The following REPS2 variants were observed in gnomAD, a reference collection of about 807,000 sequenced individuals.
REPS2 encodes the protein ralBP1-associated Eps domain-containing protein 2.
REPS2 carries 23 observed loss-of-function variants against 53.6 expected under a neutral mutation model. That is an observed-to-expected ratio of 0.43 (90% CI 0.31 to 0.61). The LOEUF is 0.61. Among genes scored for constraint, REPS2 ranks in the 20% least tolerant of loss-of-function variants. REPS2 has a pLI of 0.11. For synonymous variants in REPS2, 238 were observed against 218.6 expected (o/e 1.09, Z -0.78); for missense variants, 446 against 534.9 (o/e 0.83, Z 1.64).
chrX:17,068,262 C>T (rs933994961), intron 9 of REPS2, 140 bp from the exon 10 acceptor site: 4 of 349,192 alleles, frequency 1.1e-5, no homozygotes, highest in South Asian at 4.8e-5. Flanking sequence ...TGCAGTGAGC[C>T]GAGATCGCGC....
intron 13 of REPS2, among the ~76,000 whole-genome samples, chrX:17,095,553 C>T (rs952316881): frequency 2.8e-5 from 3 of 105,768 alleles, no homozygotes; most frequent in African/African-American, 1.0e-4. Context: ...GAGGATGGAA[C>T]ATAATCCTAT....
chrX:17,102,286 T>G (rs1456529373), intron 13 of REPS2, among the ~76,000 whole-genome samples: 2 of 111,330 alleles, frequency 1.8e-5, no homozygotes, highest in Admixed American at 9.6e-5. Flanking sequence ...TTATCCATGT[T>G]GCCTATGCCA....
chrX:16,962,327 A>C lies in REPS2; in HGVS notation c.273+15193A>C, dbSNP rs2060675454. 3.7e-5 allele frequency among the ~76,000 whole-genome samples: 4 copies of C among 107,300 alleles called. No individual in the cohort carries two copies. In the South Asian group the frequency reaches 1.3e-3, roughly 34 times the overall value. The allele number at this position is 107,300 out of a possible 115,157, so 93.2% of individuals were successfully genotyped here. ...CACACACACACACACACACACACAG[A>C]TGACAGAATATTATTCAGCCTTAAA... On this transcript the variant is annotated intron_variant, in intron 1 of 17. Transcript: ENST00000357277.
chrX:17,153,466 T>C (rs563437876), downstream of REPS2, among the ~76,000 whole-genome samples: 3 of 111,957 alleles, frequency 2.7e-5, no homozygotes, highest in Middle Eastern at 0.014. Flanking sequence ...TTGGCAGTCA[T>C]GGGATATCAT....
intron 6 of REPS2, among the ~76,000 whole-genome samples, chrX:17,049,438 T>C (rs190475049): frequency 8.9e-6 from 1 of 111,732 alleles, no homozygotes; most frequent in East Asian, 2.8e-4. Flanking sequence ...GATAAGTGTT[T>C]GTGTTTCAGT....
chrX:17,022,079 T>G (rs199907522), intron 2 of REPS2, 44 bp from the exon 3 acceptor site: 1 of 1,138,309 alleles, frequency 8.8e-7, no homozygotes, highest in Non-Finnish European at 1.2e-6. Flanking sequence ...TTGCAGTTTT[T>G]AAATTAAGTC....
the REPS2 span, among the ~76,000 whole-genome samples, chrX:17,179,318 A>G: frequency 7.1e-4 from 79 of 111,745 alleles, no homozygotes; most frequent in African/African-American, 2.3e-3. Context: ...GTTAGCTTCT[A>G]AAAGGATCAT....
intron 2 of REPS2, among the ~76,000 whole-genome samples, chrX:17,014,872 CCA>C (rs770024120): frequency 2.7e-5 from 3 of 112,724 alleles, no homozygotes; most frequent in Admixed American, 1.9e-4. Flanking sequence ...TTCTGAAATG[CCA>C]CAGTTTCATG....
In REPS2 at chrX:17,047,471, C is replaced by T. The variant is rs1255303109; in HGVS notation, c.896C>T (p.Ser299Phe). ...QFRSLQPDPS[S>F]FISGSVAKNF... ...CGATCCCTTCAGCCAGACCCAAGCT[C>T]TTTCATTTCAGGTAAGAATGTGGGC... The change falls in exon 6 of 18, where the codon TCT (serine) becomes TTT (phenylalanine). Residue 299 changes from serine (S) to phenylalanine (F), a missense_variant. Transcript: ENST00000357277. 1.7e-6 allele frequency: 2 copies of T among 1,207,833 alleles called. No homozygotes were observed. The highest frequency in any genetic ancestry group is 3.5e-5 in the African/African-American group (2 of 56,985).
At chrX:17,129,369 C>G (rs1269083308) in intron 14 of REPS2, among the ~76,000 whole-genome samples, 2 of 112,259 alleles carry the variant, frequency 1.8e-5, no homozygotes, top group African/African-American at 3.2e-5. Context: ...TCTTATCACA[C>G]AGCCGGTTAT....
intron 8 of REPS2, among the ~76,000 whole-genome samples, chrX:17,059,785 A>G (rs936898034): frequency 2.7e-5 from 3 of 111,591 alleles, no homozygotes; most frequent in African/African-American, 6.5e-5. Flanking sequence ...TTCTAAAATA[A>G]TGGAACAGGA....
chrX:17,012,776 G>C (rs772359884), intron 2 of REPS2, among the ~76,000 whole-genome samples: 71 of 111,494 alleles, frequency 6.4e-4, no homozygotes, highest in Admixed American at 4.7e-4. Flanking sequence ...GTTTTTTTTG[G>C]TTCCTCTTGT....
chrX:16,976,821 A>G (rs2060960839), intron 1 of REPS2, among the ~76,000 whole-genome samples: 1 of 111,722 alleles, frequency 9.0e-6, no homozygotes, highest in Admixed American at 9.4e-5. Context: ...CAGGTTCAAA[A>G]ATACTCAAAT....
intron 13 of REPS2, among the ~76,000 whole-genome samples, chrX:17,086,074 C>CT (rs974955993): frequency 2.7e-5 from 3 of 110,336 alleles, no homozygotes; most frequent in Non-Finnish European, 5.7e-5. Context: ...TTCTCTCAGT[C>CT]TTTTTTTTCC....
At chrX:17,182,010 C>G in the REPS2 span, among the ~76,000 whole-genome samples, 1 of 111,794 alleles carries the variant, frequency 8.9e-6, no homozygotes, top group African/African-American at 3.3e-5. Context: ...GTTGTTTCCC[C>G]CTGAATATCG....
chrX:16,994,867 T>A (rs1206375447), intron 1 of REPS2, among the ~76,000 whole-genome samples: 2 of 111,780 alleles, frequency 1.8e-5, no homozygotes, highest in Non-Finnish European at 3.8e-5. Context: ...AGAGCGTAGG[T>A]CTTGTGCCCA....
chrX:17,140,810 G>A (rs1189941407), intron 17 of REPS2, among the ~76,000 whole-genome samples: 6 of 106,327 alleles, frequency 5.6e-5, no homozygotes, highest in Non-Finnish European at 1.2e-4. Context: ...TCGCTCTGTC[G>A]CCCACGCTGG....
intron 5 of REPS2, among the ~76,000 whole-genome samples, chrX:17,035,350 G>A (rs1602746333): frequency 9.2e-6 from 1 of 108,653 alleles, no homozygotes; most frequent in South Asian, 4.2e-4. Flanking sequence ...AATGACTGAT[G>A]GTTTGGGATG....
intron 13 of REPS2, among the ~76,000 whole-genome samples, chrX:17,089,550 C>T (rs2062588056): frequency 8.9e-6 from 1 of 111,896 alleles, no homozygotes; most frequent in South Asian, 3.7e-4. Flanking sequence ...TCCCCATGCC[C>T]AGCCCCAGGC....
Sources: allele counts gnomAD v4.1 joint callset (sites outside exome capture counted in the v4.1 genomes callset), GRCh38; gene constraint gnomAD v4.1.1; transcripts MANE v1.5; gene names NCBI Gene and HGNC (gene_info 2026-07-23, HGNC 2026-07-21).